The following GCFC2 variants were observed in gnomAD, a reference collection of about 807,000 sequenced individuals.
GCFC2 encodes the protein GC-rich sequence DNA-binding factor 2, also known as intron Large complex component GCFC2.
GCFC2 carries 102 observed loss-of-function variants against 99.4 expected under a neutral mutation model. That is an observed-to-expected ratio of 1.03 (90% CI 0.87 to 1.21). GCFC2 has a LOEUF of 1.21. Among genes scored for constraint, GCFC2 ranks in the 50% most tolerant of loss-of-function variants. The pLI is 0.00. For missense variants in GCFC2, 973 were observed against 920.9 expected (o/e 1.06, Z -0.73); for synonymous variants, 338 against 316.8 (o/e 1.07, Z -0.71).
chr2:75,685,456 T>C (rs1178298487), intron 11 of GCFC2, among the ~76,000 whole-genome samples: 1 of 152,204 alleles, frequency 6.6e-6, no homozygotes, highest in Non-Finnish European at 1.5e-5. Context: ...AATCCTCATC[T>C]GACTTATCAT....
In GCFC2 at chr2:75,702,357, T is replaced by A. The variant is rs1427193470; in HGVS notation, c.461A>T (p.Asp154Val). The A allele has an allele frequency of 6.2e-7, 1 of 1,612,374 alleles. No homozygotes were observed. Among genetic ancestry groups the A allele is most frequent in the African/African-American group, 1.3e-5 (1 of 74,894 alleles). The change falls in exon 3 of 17, where the codon GAT becomes GTT. Residue 154 changes from aspartate (D) to valine (V), a missense_variant. Transcript: ENST00000321027. The part of the protein sequence containing the change: ...RRKRELARAQ[D>V]DYISLDVQHT... Reference sequence around the variant, plus strand: ...TTGTACATCCAAAGAAATATAGTCATCTTGGGCCCTGGCCAATTCACGTTT... The same window carrying A: ...TTGTACATCCAAAGAAATATAGTCAACTTGGGCCCTGGCCAATTCACGTTT...
Position 75,687,847 on chromosome 2 carries a change from G to GT in GCFC2, c.1669dup (p.Thr557AsnfsTer34). 6.2e-7 allele frequency: 1 copy of GT among 1,605,738 alleles called. No individual in the cohort carries two copies. Among genetic ancestry groups the GT allele is most frequent in the South Asian group, 1.1e-5 (1 of 88,972 alleles). On this transcript the variant is annotated frameshift_variant, in exon 11 of 17. Coordinates refer to ENST00000321027, the MANE Select transcript of GCFC2 (RefSeq NM_003203.5). LOFTEE classifies it high-confidence loss of function. Reference sequence around the variant, plus strand: ...AGTACCTGTAAGTCGGGGAATAATTGTTTTGTTGATGATTGCAGACAAGAC... The same window carrying GT: ...AGTACCTGTAAGTCGGGGAATAATTGTTTTTGTTGATGATTGCAGACAAGAC...
At chr2:75,669,535 C>G (rs2104201533) in intron 15 of GCFC2, among the ~76,000 whole-genome samples, 1 of 152,158 alleles carries the variant, frequency 6.6e-6, no homozygotes, top group South Asian at 2.1e-4. Flanking sequence ...TTCATTTTTA[C>G]ATTTTTTAAA....
At chr2:75,673,272 C>T (rs1002979084) in intron 13 of GCFC2, among the ~76,000 whole-genome samples, 172 bp downstream of exon 13, 38 of 151,468 alleles carry the variant, frequency 2.5e-4, no homozygotes, top group Admixed American at 2.4e-3. Flanking sequence ...CGCGCCACTG[C>T]ACTCCAGCCT....
chr2:75,699,604 T>C (rs1194719603), intron 4 of GCFC2, among the ~76,000 whole-genome samples: 1 of 151,978 alleles, frequency 6.6e-6, no homozygotes, highest in African/African-American at 2.4e-5. Context: ...AGTGACAGGG[T>C]CTCACTCTGT....
At chr2:75,697,373 A>G (rs1025632449) in intron 4 of GCFC2, among the ~76,000 whole-genome samples, 6 of 152,246 alleles carry the variant, frequency 3.9e-5, no homozygotes, top group Admixed American at 2.6e-4. Flanking sequence ...AGCTCTACGC[A>G]TATCTACAAA....
At chr2:75,706,683 A>AG in intron 1 of GCFC2, 32 bp from the exon 2 acceptor site, 1 of 1,471,826 alleles carries the variant, frequency 6.8e-7, no homozygotes, top group Non-Finnish European at 9.4e-7. Flanking sequence ...ACAACAAAAA[A>AG]GAGTCAAAAT....
At chr2:75,684,859 T>G (rs7588915) in intron 11 of GCFC2, among the ~76,000 whole-genome samples, 1 of 151,536 alleles carries the variant, frequency 6.6e-6, no homozygotes, top group Non-Finnish European at 1.5e-5. Context: ...ATGTACACCA[T>G]GGAATACTAT....
At chr2:75,690,148 ATTT>A in intron 8 of GCFC2, 67 bp from the exon 9 acceptor site, 1 of 852,348 alleles carries the variant, frequency 1.2e-6, no homozygotes, top group Non-Finnish European at 1.9e-6. Context: ...AAATGCCTAA[ATTT>A]TTTTTAACCT....
intron 16 of GCFC2, 104 bp from the exon 17 acceptor site, chr2:75,664,887 A>AC (rs1470224013): frequency 3.0e-6 from 2 of 660,306 alleles, no homozygotes; most frequent in African/African-American, 3.6e-5. Flanking sequence ...CAAAAGCTTT[A>AC]CCTTAAGCCA....
rs925369505 is a variant in GCFC2 at position 75,664,583 on chromosome 2, AAG to A, written c.*81_*82del. 1.5e-6 allele frequency: 1 copy of A among 677,460 alleles called. No homozygotes were observed. The highest frequency in any genetic ancestry group is 2.6e-6 in the Non-Finnish European group (1 of 383,872). The allele number at this position is 677,460 out of a possible 1,614,324, so 42.0% of individuals were successfully genotyped here. ...CTACCTTCTATTACAGGGAATAAAGAAGAGAGAGGCACCAGCTTCTTCTCAAA... is the reference window on the plus strand; with the variant it reads ...CTACCTTCTATTACAGGGAATAAAGAAGAGAGGCACCAGCTTCTTCTCAAA... On this transcript the variant is annotated 3_prime_UTR_variant, in exon 17 of 17. Coordinates refer to ENST00000321027, the MANE Select transcript of GCFC2 (RefSeq NM_003203.5).
intron 11 of GCFC2, among the ~76,000 whole-genome samples, chr2:75,684,358 AC>A (rs1024314677): frequency 6.6e-6 from 1 of 152,212 alleles, no homozygotes; most frequent in African/African-American, 2.4e-5. Context: ...TGGAAACTTA[AC>A]AGCCTGCTCC....
At chr2:75,701,352 C>T in intron 3 of GCFC2, 65 bp from the exon 4 acceptor site, 1 of 892,426 alleles carries the variant, frequency 1.1e-6, no homozygotes, top group Non-Finnish European at 1.9e-6. Context: ...AGCAAGCCAA[C>T]ATTTTTTGAG....
rs745720073 is a variant in GCFC2, at chr2:75,690,705, A to T, written c.1159T>A (p.Ser387Thr). Residue 387 changes from serine to threonine, a missense_variant, in exon 8 of 17, where the codon TCC (serine) becomes ACC (threonine). Ser to Thr is a moderately conservative substitution (Grantham distance 58, BLOSUM62 1). Transcript: ENST00000321027. Reference protein sequence around the residue: ...LQQLSRKDETSTSGNFSVDEK... With the variant: ...LQQLSRKDETTTSGNFSVDEK... ...TCTACTGAGAAGTTTCCACTTGTGG[A>T]TGTCTCATCTTTGCCTGTTAATAAA... 2 of 1,539,734 alleles carry T rather than the reference A, an allele frequency of 1.3e-6. No individual in the cohort carries two copies. The highest frequency in any genetic ancestry group is 2.3e-5 in the South Asian group (2 of 86,564).
chr2:75,705,279 A>C (rs1680796597), intron 2 of GCFC2, among the ~76,000 whole-genome samples: 1 of 152,156 alleles, frequency 6.6e-6, no homozygotes, highest in Non-Finnish European at 1.5e-5. Flanking sequence ...AGAAGAAACA[A>C]AATTACAAGG....
At chr2:75,692,146 AATAT>A (rs35357470) in intron 6 of GCFC2, 46 bp from the exon 7 acceptor site, 201,833 of 395,140 alleles carry the variant, frequency 0.51, 50,751 homozygotes, top group African/African-American at 0.64. Context: ...TCGATAATGA[AATAT>A]ATATATATAT....
At chr2:75,707,021 A>G (rs1045713454) in intron 1 of GCFC2, among the ~76,000 whole-genome samples, 9 of 152,240 alleles carry the variant, frequency 5.9e-5, no homozygotes, top group African/African-American at 1.9e-4. Flanking sequence ...AGGCACACTG[A>G]AACCTGTTTT....
intron 15 of GCFC2, among the ~76,000 whole-genome samples, chr2:75,669,450 C>G (rs1224442761): frequency 1.3e-5 from 2 of 152,058 alleles, no homozygotes; most frequent in African/African-American, 4.8e-5. Context: ...ATAATTTCTT[C>G]TTTTGCCTTT....
At chr2:75,673,587 A>T in intron 12 of GCFC2, 67 bp from the exon 13 acceptor site, 1 of 717,912 alleles carries the variant, frequency 1.4e-6, no homozygotes, top group South Asian at 1.5e-5. Context: ...AAAAAAAGTA[A>T]TTTTAACTGC....
Sources: gnomAD v4.1 joint callset for allele counts (sites outside exome capture counted in the v4.1 genomes callset) on GRCh38, gnomAD v4.1.1 for gene constraint, MANE v1.5 for transcripts, NCBI Gene and HGNC (gene_info 2026-07-23, HGNC 2026-07-21) for gene names.